PRR5: variants seen among roughly 807,000 people sequenced by gnomAD.
PRR5 encodes proline rich 5.
PRR5 carries 25 observed loss-of-function variants against 30.6 expected under a neutral mutation model. The ratio of observed to expected loss-of-function variants is 0.82; its 90% CI spans 0.60 to 1.14. The LOEUF (loss-of-function observed/expected upper bound fraction) is 1.14. Among genes scored for constraint, PRR5 ranks in the 50% most tolerant of loss-of-function variants. PRR5 has a pLI of 0.00. For synonymous variants in PRR5, 286 were observed against 247.1 expected (o/e 1.16, Z -1.48); for missense variants, 600 against 547.1 (o/e 1.10, Z -0.96).
At chr22:44,730,539 C>T (rs1244304158) in intron 4 of PRR5, 2 of 988,952 alleles carry the variant, frequency 2.0e-6, no homozygotes, top group African/African-American at 3.5e-5. Flanking sequence ...TGCATGGCAC[C>T]GTTCCTCTCA....
At chr22:44,720,897 GGA>G (rs1400475375) in intron 2 of PRR5, among the ~76,000 whole-genome samples, 1 of 152,188 alleles carries the variant, frequency 6.6e-6, no homozygotes, top group Non-Finnish European at 1.5e-5. Context: ...CCAGTGGGTT[GGA>G]GCCACCCCAG....
intron 1 of PRR5, among the ~76,000 whole-genome samples, 160 bp downstream of exon 1, chr22:44,702,768 G>T (rs1422060962): frequency 6.6e-6 from 1 of 152,176 alleles, no homozygotes; most frequent in Non-Finnish European, 1.5e-5. Context: ...AGTGGTGCGG[G>T]CCTGGAGGAA....
At chr22:44,699,718 A>C (rs1926083415), upstream of PRR5, among the ~76,000 whole-genome samples, 1 of 152,158 alleles carries the variant, frequency 6.6e-6, no homozygotes, top group Non-Finnish European at 1.5e-5. Context: ...ACGCCCCCTG[A>C]GCCTAATTGA....
chr22:44,734,032 G>C (rs1222635018), intron 6 of PRR5: 1 of 152,230 alleles, frequency 6.6e-6, no homozygotes, highest in Non-Finnish European at 1.5e-5. Context: ...CCAGTACTTT[G>C]GGAGGCCAAG....
At chr22:44,672,636 C>T (rs1177013931), upstream of PRR5, among the ~76,000 whole-genome samples, 3 of 152,146 alleles carry the variant, frequency 2.0e-5, no homozygotes, top group South Asian at 4.1e-4. Context: ...GTATTTGTCT[C>T]GGCACAGAGG....
At position 44,737,167 on chromosome 22, in the gene PRR5, A is replaced by G. The variant is rs1923439937; in HGVS notation, c.1087A>G (p.Ile363Val). The G allele has an allele frequency of 6.2e-7, 1 of 1,612,552 alleles. No homozygotes were observed. Among genetic ancestry groups the G allele is most frequent in the African/African-American group, 1.3e-5 (1 of 74,994 alleles). The change falls in exon 8 of 8, where the codon ATT (isoleucine) becomes GTT (valine). Residue 363 changes from isoleucine to valine, a missense_variant. Physicochemically the swap from Ile to Val is conservative, Grantham distance 29 (BLOSUM62 3). Coordinates refer to ENST00000336985, the MANE Select transcript of PRR5 (RefSeq NM_181333.4). ...LESVDSDSEG[I>V]FIDFGRGRGS... ...GTCCGTGGACTCGGATTCTGAAGGGATTTTCATTGACTTTGGCCGGGGCCG... is the reference window on the plus strand; with the variant it reads ...GTCCGTGGACTCGGATTCTGAAGGGGTTTTCATTGACTTTGGCCGGGGCCG...
intron 2 of PRR5, among the ~76,000 whole-genome samples, chr22:44,714,971 G>A (rs1077164): frequency 0.11 from 17,482 of 152,288 alleles, 1,153 homozygotes; most frequent in Admixed American, 0.2. Flanking sequence ...TTGGACAGCC[G>A]CTGGAGATGA....
At chr22:44,692,250 G>T (rs1185879223) in intron 1 of PRR5, among the ~76,000 whole-genome samples, 1 of 130,848 alleles carries the variant, frequency 7.6e-6, no homozygotes, top group African/African-American at 3.0e-5. Context: ...TCCACCCAGG[G>T]CTCCTCCTCC....
intron 2 of PRR5, among the ~76,000 whole-genome samples, chr22:44,723,116 GC>G (rs2147120703): frequency 6.6e-6 from 1 of 152,012 alleles, no homozygotes; most frequent in Admixed American, 6.6e-5. Context: ...CTCCCGAGGA[GC>G]TGAGATTATA....
At chr22:44,670,105 C>T (rs889757331) in intron 1 of PRR5, among the ~76,000 whole-genome samples, 6 of 152,192 alleles carry the variant, frequency 3.9e-5, no homozygotes, top group Admixed American at 3.9e-4. Flanking sequence ...GTGTGAGCAC[C>T]GCTTGGTGTT....
At position 44,730,317 on chromosome 22, in the gene PRR5, ATC is replaced by A. The variant is rs1921713990; in HGVS notation, c.323-1406_323-1405del. ...TTCACTCAGAGGCGCCCACACCAAGATCTCTCTCGCCAGTTGTTCGTCTGGCT... is the reference window on the plus strand; with the variant it reads ...TTCACTCAGAGGCGCCCACACCAAGATCTCTCGCCAGTTGTTCGTCTGGCT... On this transcript the variant is annotated intron_variant, in intron 4 of 7. Coordinates refer to ENST00000336985, the MANE Select transcript of PRR5 (RefSeq NM_181333.4). 3.0e-6 allele frequency: 3 copies of A among 985,244 alleles called. No homozygotes were observed. In the South Asian group the frequency reaches 1.4e-4, roughly 46 times the overall value. 61.0% of individuals were successfully genotyped at this position (985,244 alleles called of 1,614,324 possible).
At chr22:44,730,052 CTGGGAGCCAAAGA>C in intron 4 of PRR5, 1 of 985,444 alleles carries the variant, frequency 1.0e-6, no homozygotes, top group Non-Finnish European at 1.2e-6. Flanking sequence ...GGCCACTGGG[CTGGGAGCCAAAGA>C]TGGGACCCAG....
At chr22:44,735,849 G>A (rs1923136466) in intron 7 of PRR5, among the ~76,000 whole-genome samples, 1 of 152,224 alleles carries the variant, frequency 6.6e-6, no homozygotes, top group African/African-American at 2.4e-5. Context: ...CCACCTGCTG[G>A]TGTAAAACCT....
intron 2 of PRR5, among the ~76,000 whole-genome samples, chr22:44,719,923 C>G (rs920875272): frequency 3.3e-5 from 5 of 152,250 alleles, no homozygotes; most frequent in Non-Finnish European, 7.4e-5. Flanking sequence ...CCTGCAGACC[C>G]TTCCCACAGC....
chr22:44,685,937 C>T (rs1370832165), intron 1 of PRR5, among the ~76,000 whole-genome samples: 1 of 152,212 alleles, frequency 6.6e-6, no homozygotes, highest in Non-Finnish European at 1.5e-5. Flanking sequence ...GGGGGAGCAC[C>T]GTGATGATGC....
chr22:44,710,291 C>A (rs1240514085), intron 1 of PRR5, among the ~76,000 whole-genome samples: 2 of 152,250 alleles, frequency 1.3e-5, no homozygotes, highest in South Asian at 2.1e-4. Context: ...CTGCACCCCC[C>A]CCCCAGCGCT....
At chr22:44,673,248 A>G (rs891899166), upstream of PRR5, among the ~76,000 whole-genome samples, 17 of 152,224 alleles carry the variant, frequency 1.1e-4, no homozygotes, top group Admixed American at 1.0e-3. Context: ...CACTGCTTAC[A>G]GCCCCTTTGA....
chr22:44,719,570 C>T (rs1929621555), intron 2 of PRR5, among the ~76,000 whole-genome samples: 1 of 152,212 alleles, frequency 6.6e-6, no homozygotes, highest in African/African-American at 2.4e-5. Flanking sequence ...AGGTCCGTTT[C>T]CCCTGTGCTT....
At chr22:44,731,951 G>T (rs1922069586) in intron 5 of PRR5, 130 bp downstream of exon 5, 1 of 1,045,636 alleles carries the variant, frequency 9.6e-7, no homozygotes. Context: ...CTCTCCTTGG[G>T]CTACCTGAGT....
Sources: gnomAD v4.1 joint callset for allele counts (sites outside exome capture counted in the v4.1 genomes callset) on GRCh38, gnomAD v4.1.1 for gene constraint, MANE v1.5 for transcripts, NCBI Gene and HGNC (gene_info 2026-07-23, HGNC 2026-07-21) for gene names.